CFAP46: variants seen among roughly 807,000 people sequenced by gnomAD.
CFAP46 encodes the protein cilia and flagella associated protein 46, also known as cilia- and flagella-associated protein 46.
CFAP46 carries 245 observed loss-of-function variants against 325.7 expected under a neutral mutation model. That is an observed-to-expected ratio of 0.75 (90% CI 0.68 to 0.84). The LOEUF is 0.84. CFAP46 is among the 40% of genes least tolerant of loss of function. CFAP46 has a pLI of 0.00. For synonymous variants in CFAP46, 1,523 were observed against 1,495.9 expected (o/e 1.02, Z -0.42); for missense variants, 3,346 against 3,543.0 (o/e 0.94, Z 1.41).
intron 39 of CFAP46, 93 bp from the exon 40 acceptor site, chr10:132,851,398 G>T: frequency 8.0e-7 from 1 of 1,246,340 alleles, no homozygotes; most frequent in South Asian, 1.4e-5. Flanking sequence ...ACCGACGTAA[G>T]AAACTCATAA....
At position 132,909,196 on chromosome 10, in the gene CFAP46, C is replaced by T. The variant is rs1313546736; in HGVS notation, c.2698G>A (p.Glu900Lys). The T allele has an allele frequency of 1.3e-6, 2 of 1,550,206 alleles. No individual in the cohort carries two copies. Among genetic ancestry groups the T allele is most frequent in the African/African-American group, 2.7e-5 (2 of 73,034 alleles). The change falls in exon 21 of 58, where the codon GAA (glutamate) becomes AAA (lysine). Residue 900 changes from glutamate to lysine, a missense_variant. Glu to Lys is a moderately conservative substitution (Grantham distance 56). Transcript: ENST00000368586. ...SSVTRVLVAL[E>K]MYSCNGLGLM... ...CCCAGCCCGTTGCATGAGTACATTT[C>T]CAAGGCAACGAGGACTCTGGTCACC...
At chr10:132,809,067 C>T (rs1847526207) in intron 57 of CFAP46, among the ~76,000 whole-genome samples, 163 bp from the exon 58 acceptor site, 2 of 152,148 alleles carry the variant, frequency 1.3e-5, no homozygotes, top group African/African-American at 2.4e-5. Context: ...CCACCACCCG[C>T]ACCCCTCCCG....
At chr10:132,941,256 G>A (rs962932552) in intron 3 of CFAP46, among the ~76,000 whole-genome samples, 196 bp from the exon 4 acceptor site, 6 of 152,126 alleles carry the variant, frequency 3.9e-5, no homozygotes, top group Admixed American at 6.5e-5. Flanking sequence ...TTCCCGTCCC[G>A]CAGACACAGC....
chr10:132,824,741 C>A (rs1389887276), intron 50 of CFAP46, among the ~76,000 whole-genome samples: 2 of 74,964 alleles, frequency 2.7e-5, no homozygotes, highest in Admixed American at 1.7e-4. Flanking sequence ...TGTGTGTGTG[C>A]TGTGTGCTGT....
At chr10:132,833,996 C>T (rs377289514) in intron 49 of CFAP46, 45 bp downstream of exon 49, 11 of 1,575,384 alleles carry the variant, frequency 7.0e-6, no homozygotes, top group Admixed American at 1.7e-5. Flanking sequence ...CCTCTTCTGG[C>T]GGGATGAGCT....
At chr10:132,820,538 CTGA>C (rs1381786339) in intron 50 of CFAP46, among the ~76,000 whole-genome samples, 1 of 131,514 alleles carries the variant, frequency 7.6e-6, no homozygotes, top group East Asian at 2.3e-4. Context: ...TGTGTGTGCA[CTGA>C]TGTGTGCTGT....
chr10:132,880,962 A>G lies in CFAP46; in HGVS notation c.3698T>C (p.Phe1233Ser). The G allele has an allele frequency of 6.4e-7, 1 of 1,550,476 alleles. No individual in the cohort carries two copies. The highest frequency in any genetic ancestry group is 8.7e-7 in the Non-Finnish European group (1 of 1,146,948). The part of the protein sequence containing the change: ...EFGQWLHHRH[F>S]PLEDVVFHLR... The stretch of plus-strand genomic sequence containing the variant: ...GTGGAAGACCACGTCCTCGAGAGGA[A>G]AGTGTCTGTGATGGAGCCACTGGCC... The change falls in exon 28 of 58, where the codon TTT (phenylalanine) becomes TCT (serine). Residue 1233 changes from phenylalanine to serine, a missense_variant. Phe to Ser is a radical substitution (Grantham distance 155, BLOSUM62 -2). Transcript: ENST00000368586.
Position 132,836,810 on chromosome 10 carries a change from G to C in CFAP46, c.6536+7C>G. The C allele has an allele frequency of 6.2e-7, 1 of 1,612,300 alleles. No homozygotes were observed. The highest frequency in any genetic ancestry group is 8.5e-7 in the Non-Finnish European group (1 of 1,178,896). Reference sequence around the variant, plus strand: ...GGGGCGGCCTCAACAAGAAGGAGCGGCTTTACCTGTCCCCTGAGAGGTGCA... The same window carrying C: ...GGGGCGGCCTCAACAAGAAGGAGCGCCTTTACCTGTCCCCTGAGAGGTGCA... On this transcript the variant is annotated splice_region_variant and intron_variant, in intron 45 of 57. Coordinates refer to ENST00000368586, the MANE Select transcript of CFAP46 (RefSeq NM_001200049.3).
At chr10:132,909,102 G>A (rs1849502272) in intron 21 of CFAP46, 35 bp downstream of exon 21, 1 of 1,484,678 alleles carries the variant, frequency 6.7e-7, no homozygotes, top group African/African-American at 1.4e-5. Context: ...TCGCCTCTTG[G>A]CCCCTGGCCT....
intron 1 of CFAP46, 76 bp from the exon 2 acceptor site, chr10:132,942,180 GC>G: frequency 6.6e-7 from 1 of 1,517,838 alleles, no homozygotes; most frequent in Non-Finnish European, 8.9e-7. Context: ...CATCCCGAAG[GC>G]CCCAGGCAGC....
In CFAP46 at chr10:132,869,257, G is replaced by C; in HGVS notation, c.4610+17C>G. The C allele has an allele frequency of 6.6e-7, 1 of 1,513,110 alleles. No homozygotes were observed. The highest frequency in any genetic ancestry group is 1.2e-5 in the South Asian group (1 of 81,272). 93.7% of individuals were successfully genotyped at this position (1,513,110 alleles called of 1,614,324 possible). On this transcript the variant is annotated intron_variant, in intron 33 of 57. Coordinates refer to ENST00000368586, the MANE Select transcript of CFAP46 (RefSeq NM_001200049.3). This position sits in a 1 kb window ranked among gnomAD's most constrained non-coding sequence, Gnocchi z 6.2. ...GAGACTCAAACCCCAGGCGGCGCAG[G>C]GTGGGACGGCACACACCTGGCCTGC...
At chr10:132,916,957 C>A (rs1295826848) in intron 16 of CFAP46, among the ~76,000 whole-genome samples, 2 of 152,222 alleles carry the variant, frequency 1.3e-5, no homozygotes, top group Non-Finnish European at 2.9e-5. Context: ...CCCCGAAGGA[C>A]CAACAGTGGC....
At chr10:132,825,697 A>G (rs1428472234) in intron 50 of CFAP46, among the ~76,000 whole-genome samples, 1 of 152,248 alleles carries the variant, frequency 6.6e-6, no homozygotes, top group Non-Finnish European at 1.5e-5. Flanking sequence ...ACTGGTACAG[A>G]GAAGACATTT....
intron 50 of CFAP46, among the ~76,000 whole-genome samples, chr10:132,823,892 C>A: frequency 8.2e-6 from 1 of 121,742 alleles, no homozygotes; most frequent in Non-Finnish European, 1.7e-5. Context: ...GCTGTCTGTG[C>A]GCTGTGTGCT....
intron 24 of CFAP46, among the ~76,000 whole-genome samples, chr10:132,893,042 G>A (rs993585311): frequency 2.0e-5 from 3 of 152,216 alleles, no homozygotes; most frequent in Admixed American, 6.5e-5. Context: ...CTGGTAATGA[G>A]TAGCTTCCCG....
chr10:132,854,645 G>C (rs945759399), intron 39 of CFAP46, among the ~76,000 whole-genome samples: 1 of 151,474 alleles, frequency 6.6e-6, no homozygotes, highest in African/African-American at 2.4e-5. Context: ...CCAGCTTTCT[G>C]GTTTTTTTTA....
At position 132,847,562 on chromosome 10, in the gene CFAP46, C is replaced by T. The variant is rs1334124568; in HGVS notation, c.5953-241G>A. Among the ~76,000 whole-genome samples, 1 of 152,062 alleles carries T rather than the reference C, an allele frequency of 6.6e-6. No individual in the cohort carries two copies. Among genetic ancestry groups the T allele is most frequent in the Admixed American group, 6.5e-5 (1 of 15,276 alleles). ...CTGGAGCCTGGGCGAGGGGATGCTG[C>T]AGCCAGGGTGAGGACGCAGACCCCT... On this transcript the variant is annotated intron_variant, in intron 41 of 57. Transcript: ENST00000368586. This position sits in a 1 kb window ranked among gnomAD's most constrained non-coding sequence, Gnocchi z 5.2.
At position 132,887,165 on chromosome 10, in the gene CFAP46, T is replaced by TCCCC. The variant is rs1564790349; in HGVS notation, c.3305-1207_3305-1206insGGGG. Among the ~76,000 whole-genome samples, 4 of 31,442 alleles carry TCCCC rather than the reference T, an allele frequency of 1.3e-4. 1 individual carries two copies. Among genetic ancestry groups the TCCCC allele is most frequent in the African/African-American group, 6.8e-4 (2 of 2,950 alleles). 20.6% of individuals were successfully genotyped at this position (31,442 alleles called of 152,430 possible). A position where few individuals can be genotyped will look rare whatever the true frequency, so the allele number is the denominator to read the frequency against. ...CTCTCACTTCTCTCTCTCCTCTCTC[T>TCCCC]TCTTTCCTCTCCCCTCTTCTCTCTC... On this transcript the variant is annotated intron_variant, in intron 25 of 57. Transcript: ENST00000368586.
At chr10:132,835,279 T>C (rs766151059) in intron 47 of CFAP46, 25 bp downstream of exon 47, 2 of 1,609,012 alleles carry the variant, frequency 1.2e-6, no homozygotes, top group African/African-American at 2.7e-5. Context: ...CCCGGCTGGG[T>C]GGCTTGGAGC....
Sources: allele counts gnomAD v4.1 joint callset (sites outside exome capture counted in the v4.1 genomes callset), GRCh38; gene constraint gnomAD v4.1.1; non-coding constraint Gnocchi (gnomAD v3.1); transcripts MANE v1.5; gene names NCBI Gene and HGNC (gene_info 2026-07-23, HGNC 2026-07-21).